FGGY: variants seen among roughly 807,000 people sequenced by gnomAD.
The protein encoded by FGGY is FGGY carbohydrate kinase domain containing.
A neutral mutation model predicts 71.3 loss-of-function variants in FGGY; 72 were observed. The observed-to-expected ratio is 1.01, with a 90% CI of 0.84 to 1.23. The LOEUF is 1.23. Among genes scored for constraint, FGGY ranks in the 50% most tolerant of loss-of-function variants. FGGY has a pLI of 0.00. For missense variants in FGGY, 668 were observed against 682.3 expected (o/e 0.98, Z 0.23); for synonymous variants, 251 against 250.3 (o/e 1.00, Z -0.02).
intron 4 of FGGY, among the ~76,000 whole-genome samples, chr1:59,347,386 G>A (rs2052278588): frequency 6.6e-6 from 1 of 151,676 alleles, no homozygotes; most frequent in Non-Finnish European, 1.5e-5. Context: ...TGAGAATGAT[G>A]GTTTCCAGCT....
At chr1:59,482,634 G>GTATATATATATATATA (rs3990413) in intron 6 of FGGY, among the ~76,000 whole-genome samples, 1 of 147,462 alleles carries the variant, frequency 6.8e-6, no homozygotes, top group African/African-American at 2.5e-5. Context: ...GTGTCTGTGT[G>GTATATATATATATATA]TATATATATA....
At chr1:59,564,795 C>T (rs2095848906) in intron 8 of FGGY, among the ~76,000 whole-genome samples, 1 of 152,184 alleles carries the variant, frequency 6.6e-6, no homozygotes, top group Non-Finnish European at 1.5e-5. Context: ...GGATATCTGG[C>T]CCCATGTTTC....
chr1:59,434,167 A>G (rs2067948382), intron 5 of FGGY, among the ~76,000 whole-genome samples: 1 of 152,238 alleles, frequency 6.6e-6, no homozygotes, highest in Admixed American at 6.5e-5. Context: ...AAAACTCTAC[A>G]GTATCATTGT....
Position 59,510,288 on chromosome 1 carries a change from TG to T in FGGY, c.671-2020del, listed in dbSNP as rs2094489418. ...ATCTGTCTGTAAAATGGGGGTAGTA[TG>T]GGTCCTATTGTACCCTTCACAGAGG... On this transcript the variant is annotated intron_variant, in intron 6 of 15. Transcript: ENST00000303721. 1.3e-5 allele frequency among the ~76,000 whole-genome samples: 2 copies of T among 152,162 alleles called. 1 individual carries two copies. Among genetic ancestry groups the T allele is most frequent in the South Asian group, 4.1e-4 (2 of 4,834 alleles).
At chr1:59,665,830 C>T (rs542118163) in intron 12 of FGGY, among the ~76,000 whole-genome samples, 10 of 152,220 alleles carry the variant, frequency 6.6e-5, no homozygotes, top group South Asian at 2.1e-4. Flanking sequence ...CCCGTCACCA[C>T]GCCCAGCTAT....
chr1:59,460,566 T>C (rs187637825), intron 6 of FGGY, among the ~76,000 whole-genome samples: 14 of 152,276 alleles, frequency 9.2e-5, no homozygotes, highest in Non-Finnish European at 1.6e-4. Flanking sequence ...CCCAGCACAG[T>C]GTTTGAGCTC....
intron 12 of FGGY, among the ~76,000 whole-genome samples, chr1:59,665,732 G>GGT (rs1191737556): frequency 2.0e-5 from 3 of 151,698 alleles, no homozygotes; most frequent in African/African-American, 7.3e-5. Context: ...GGAGTGCAAT[G>GGT]GTGTGATCTC....
At chr1:59,296,774 CGGCGGGGGCGGGATCGCGCGCAA>C (rs1487837476), upstream of FGGY, 1 of 148,182 alleles carries the variant, frequency 6.7e-6, no homozygotes, top group Non-Finnish European at 1.5e-5. Flanking sequence ...GGGGCCGCGC[CGGCGGGGGCGGGATCGCGCGCAA>C]GGCGGGGCTG....
rs573165883 is a variant in FGGY at position 59,490,990 on chromosome 1, G to C, written c.671-21321G>C. Among the ~76,000 whole-genome samples the C allele has an allele frequency of 4.8e-4, 59 of 124,170 alleles. 1 individual carries two copies. The highest frequency in any genetic ancestry group is 1.3e-3 in the African/African-American group (40 of 30,688). 81.5% of individuals were successfully genotyped at this position (124,170 alleles called of 152,430 possible). On this transcript the variant is annotated intron_variant, in intron 6 of 15. Coordinates refer to ENST00000303721, the MANE Select transcript of FGGY (RefSeq NM_018291.5). The stretch of plus-strand genomic sequence containing the variant: ...ATGCCTCCAGCCTGCTTGCTTGCTT[G>C]CTTGCTTCCTTTCCTTTCCTTTCCT...
intron 5 of FGGY, among the ~76,000 whole-genome samples, chr1:59,451,043 G>T (rs780705397): frequency 2.0e-5 from 3 of 151,916 alleles, no homozygotes; most frequent in Admixed American, 2.0e-4. Context: ...GACCTTATTT[G>T]TTCCATCTTA....
chr1:59,502,975 A>C (rs961192412), intron 6 of FGGY, among the ~76,000 whole-genome samples: 1 of 152,134 alleles, frequency 6.6e-6, no homozygotes, highest in Non-Finnish European at 1.5e-5. Context: ...GCCTCCTGCA[A>C]ATGAGGTGGT....
Position 59,727,743 on chromosome 1 carries a change from AG to A in FGGY, c.1513-30187del, listed in dbSNP as rs546028088. On this transcript the variant is annotated intron_variant, in intron 14 of 15. Coordinates refer to ENST00000303721, the MANE Select transcript of FGGY (RefSeq NM_018291.5). ...AGAAAAGAGCCTGAATAGCCAAAGC[AG>A]TTCTAAGCAAAAAGAACAAGGCCAG... Among the ~76,000 whole-genome samples the A allele has an allele frequency of 9.8e-5, 15 of 152,310 alleles. No homozygotes were observed. In the South Asian group the frequency reaches 3.1e-3, roughly 32 times the overall value.
chr1:59,507,653 G>T (rs1476735439), intron 6 of FGGY, among the ~76,000 whole-genome samples: 1 of 149,936 alleles, frequency 6.7e-6, no homozygotes, highest in East Asian at 2.0e-4. Context: ...AAGCAGCTGG[G>T]ATTACAGGCA....
intron 8 of FGGY, among the ~76,000 whole-genome samples, chr1:59,589,378 C>T (rs539620430): frequency 1.3e-3 from 203 of 152,162 alleles, no homozygotes; most frequent in African/African-American, 4.5e-3. Flanking sequence ...GACAGATCAA[C>T]GAGACAGAAA....
chr1:59,595,378 A>G (rs2096508780), intron 8 of FGGY, among the ~76,000 whole-genome samples: 1 of 152,132 alleles, frequency 6.6e-6, no homozygotes, highest in Non-Finnish European at 1.5e-5. Context: ...TATGAGCTAA[A>G]TATGTTACAG....
chr1:59,590,586 C>T (rs2096411563), intron 8 of FGGY, among the ~76,000 whole-genome samples: 1 of 152,106 alleles, frequency 6.6e-6, no homozygotes, highest in Admixed American at 6.5e-5. Context: ...AAAGCTTATC[C>T]ACCATGATCA....
chr1:59,396,002 G>A (rs1259765184), intron 5 of FGGY, among the ~76,000 whole-genome samples: 1 of 152,158 alleles, frequency 6.6e-6, no homozygotes, highest in Non-Finnish European at 1.5e-5. Flanking sequence ...AGTTGTTCTG[G>A]AAGTATGGCC....
At chr1:59,495,364 T>C (rs1165546482) in intron 6 of FGGY, among the ~76,000 whole-genome samples, 3 of 152,158 alleles carry the variant, frequency 2.0e-5, no homozygotes, top group East Asian at 1.9e-4. Context: ...TTTTTGCTTT[T>C]GTTGCAATTG....
intron 4 of FGGY, among the ~76,000 whole-genome samples, chr1:59,372,473 C>G (rs2057847082): frequency 6.6e-6 from 1 of 152,180 alleles, no homozygotes; most frequent in Admixed American, 6.5e-5. Context: ...CGAATTCTAC[C>G]AGAGGTACAA....
Sources: allele counts gnomAD v4.1 joint callset (sites outside exome capture counted in the v4.1 genomes callset), GRCh38; gene constraint gnomAD v4.1.1; transcripts MANE v1.5; gene names NCBI Gene and HGNC (gene_info 2026-07-23, HGNC 2026-07-21).